Variants in SHOX observed in about 807,000 individuals in gnomAD.
SHOX encodes SHOX homeobox, also known as short stature homeobox protein.
SHOX carries 12 observed loss-of-function variants against 29.6 expected under a neutral mutation model. That is an observed-to-expected ratio of 0.41 (90% CI 0.26 to 0.66). SHOX has a LOEUF of 0.66. Ranked by LOEUF, SHOX falls within the 30% of genes least tolerant of loss-of-function variation. The pLI, the probability that SHOX is intolerant of heterozygous loss-of-function variation, is 0.35. For missense variants in SHOX, 499 were observed against 437.7 expected (o/e 1.14, Z -1.25); for synonymous variants, 214 against 200.6 (o/e 1.07, Z -0.57).
At chrX:624,853 C>CTTTGTTTCT (rs2052479577) in intron 1 of SHOX, among the ~76,000 whole-genome samples, 1 of 81,114 alleles carries the variant, frequency 1.2e-5, no homozygotes, top group Non-Finnish European at 2.5e-5. Context: ...CTCTCTTCCT[C>CTTTGTTTCT]TTTCTTTCTT....
At chrX:639,937 G>A (rs183235899) in intron 2 of SHOX, among the ~76,000 whole-genome samples, 16 of 151,998 alleles carry the variant, frequency 1.1e-4, no homozygotes, top group African/African-American at 3.4e-4. Context: ...GGAGGTGGAC[G>A]TTGCAGTGAG....
intron 1 of SHOX, among the ~76,000 whole-genome samples, chrX:631,382 C>T (rs1227523961): frequency 1.3e-5 from 2 of 151,948 alleles, no homozygotes; most frequent in African/African-American, 4.8e-5. Flanking sequence ...TAGCGGGGTG[C>T]GGGGGGACCC....
chrX:628,061 C>CCT (rs1477835799), upstream of SHOX, among the ~76,000 whole-genome samples: 1 of 65,472 alleles, frequency 1.5e-5, no homozygotes, highest in Non-Finnish European at 3.6e-5. Context: ...TCTGTCTCTG[C>CCT]CTCTCTCCCT....
chrX:644,467 C>G lies in SHOX; in HGVS notation c.710C>G (p.Pro237Arg). The stretch of plus-strand genomic sequence containing the variant: ...CACCCGCACCTGGCGGCGCACGCGC[C>G]CTACCTGATGTTCCCCCCGCCGCCC... ...HLHPHLAAHA[P>R]YLMFPPPPFG... Residue 237 changes from proline to arginine, a missense_variant, in exon 5 of 5, where the codon CCC (proline) becomes CGC (arginine). Pro to Arg is a moderately radical substitution (Grantham distance 103). Transcript: ENST00000686671. 1 of 1,525,376 alleles carries G rather than the reference C, an allele frequency of 6.6e-7. No individual in the cohort carries two copies. Among genetic ancestry groups the G allele is most frequent in the Non-Finnish European group, 8.7e-7 (1 of 1,143,796 alleles). 94.5% of individuals were successfully genotyped at this position (1,525,376 alleles called of 1,614,324 possible).
At chrX:627,018 T>G (rs1364490538), upstream of SHOX, among the ~76,000 whole-genome samples, 2 of 151,206 alleles carry the variant, frequency 1.3e-5, no homozygotes, top group Admixed American at 1.3e-4. Flanking sequence ...TCTTTTTCTC[T>G]GTCTTTCTGT....
chrX:641,131 G>A, intron 4 of SHOX, 44 bp downstream of exon 4: 1 of 1,572,042 alleles, frequency 6.4e-7, no homozygotes, highest in Admixed American at 1.7e-5. Flanking sequence ...GGGACCTGCT[G>A]CTCCCTTCCC....
Position 651,421 on chromosome X carries a change from A to C in SHOX, c.*6785A>C, listed in dbSNP as rs28680910. Reference sequence around the variant, plus strand: ...AACAAACAAACAAACAGAAAAAAAAACCAAAAAAAACCACCCTGAGTTTCT... The same window carrying C: ...AACAAACAAACAAACAGAAAAAAAACCCAAAAAAAACCACCCTGAGTTTCT... On this transcript the variant is annotated 3_prime_UTR_variant, in exon 5 of 5. Coordinates refer to ENST00000686671, the MANE Select transcript of SHOX (RefSeq NM_000451.4). 0.011 allele frequency: 5,016 copies of C among 452,368 alleles called. 209 individuals are homozygous for C. Among genetic ancestry groups the C allele is most frequent in the African/African-American group, 0.09 (4,434 of 49,494 alleles). The allele number at this position is 452,368 out of a possible 1,614,324, so 28.0% of individuals were successfully genotyped here. A position where few individuals can be genotyped will look rare whatever the true frequency, so the allele number is the denominator to read the frequency against.
chrX:635,196 G>T (rs1394214247), intron 2 of SHOX, among the ~76,000 whole-genome samples: 1 of 151,992 alleles, frequency 6.6e-6, no homozygotes, highest in Admixed American at 6.6e-5. Flanking sequence ...GGTTCCCCTG[G>T]GATTGGTTAT....
chrX:628,229 C>G (rs1228604369), upstream of SHOX, among the ~76,000 whole-genome samples: 4 of 127,010 alleles, frequency 3.1e-5, no homozygotes, highest in East Asian at 2.4e-4. Context: ...GTCGCTCTTT[C>G]TCTCTCTCCA....
rs28411089 is a variant in SHOX at position 647,116 on chromosome X, C to G, written c.*2480C>G. ...TTAGAGACGGAATTTCAATCTTGTCCCCCAGGCTGGAGTGCAGTGGCACAA... is the reference window on the plus strand; with the variant it reads ...TTAGAGACGGAATTTCAATCTTGTCGCCCAGGCTGGAGTGCAGTGGCACAA... On this transcript the variant is annotated 3_prime_UTR_variant, in exon 5 of 5. Coordinates refer to ENST00000686671, the MANE Select transcript of SHOX (RefSeq NM_000451.4). Among the ~76,000 whole-genome samples the G allele has an allele frequency of 0.76, 113,880 of 149,748 alleles. 44,079 individuals carry two copies. The highest frequency in any genetic ancestry group is 0.9 in the African/African-American group (36,468 of 40,656).
chrX:643,711 A>G (rs866533524), intron 4 of SHOX, among the ~76,000 whole-genome samples: 21 of 49,708 alleles, frequency 4.2e-4, no homozygotes, highest in East Asian at 1.3e-3. Flanking sequence ...AGAGGCTTGG[A>G]CACCTGGTGT....
intron 1 of SHOX, among the ~76,000 whole-genome samples, chrX:625,552 CTCTG>C (rs1430476785): frequency 6.7e-6 from 1 of 149,200 alleles, no homozygotes; most frequent in African/African-American, 2.5e-5. Context: ...TCTTTCTCTC[CTCTG>C]TCTCTCTGTA....
chrX:634,612 A>G lies in SHOX; in HGVS notation c.278-6A>G. On this transcript the variant is annotated splice_region_variant and splice_polypyrimidine_tract_variant and intron_variant, in intron 1 of 4. Coordinates refer to ENST00000686671, the MANE Select transcript of SHOX (RefSeq NM_000451.4). ...CTCAGCCCTGTGCCCTCCGCTCCCC[A>G]CGCAGGGATTTATGAATGCAAAGAG... 1 of 1,613,242 alleles carries G rather than the reference A, an allele frequency of 6.2e-7. No homozygotes were observed. The highest frequency in any genetic ancestry group is 8.5e-7 in the Non-Finnish European group (1 of 1,179,798).
At chrX:626,921 A>G (rs1376106765), upstream of SHOX, among the ~76,000 whole-genome samples, 2 of 111,718 alleles carry the variant, frequency 1.8e-5, no homozygotes, top group South Asian at 5.8e-4. Context: ...CTGTGTCTCT[A>G]CCTGTGTCTC....
rs1458275715 is a variant in SHOX at position 636,970 on chromosome X, A to ATATT, written c.486+2145_486+2146insATTT. ...AAAATATATATATATATATATATAT[A>ATATT]TTTTGGCTCCTGATTCTCTTCCGTC... On this transcript the variant is annotated intron_variant, in intron 2 of 4. Coordinates refer to ENST00000686671, the MANE Select transcript of SHOX (RefSeq NM_000451.4). Among the ~76,000 whole-genome samples the ATATT allele has an allele frequency of 4.2e-4, 57 of 137,340 alleles. 1 individual carries two copies. The highest frequency in any genetic ancestry group is 9.0e-4 in the South Asian group (4 of 4,460). The allele number at this position is 137,340 out of a possible 152,430, so 90.1% of individuals were successfully genotyped here.
rs189861048 is a variant in SHOX, at chrX:632,449, T to C, written c.277+1275T>C. 3.0e-3 allele frequency among the ~76,000 whole-genome samples: 461 copies of C among 152,320 alleles called. 3 individuals are homozygous for C. Among genetic ancestry groups the C allele is most frequent in the African/African-American group, 0.011 (447 of 41,568 alleles). The stretch of plus-strand genomic sequence containing the variant: ...GCTATGGACGCCTGTTATGTTTTCA[T>C]TACAAAGACGCAGAGAATCTAGCCT... On this transcript the variant is annotated intron_variant, in intron 1 of 4. Coordinates refer to ENST00000686671, the MANE Select transcript of SHOX (RefSeq NM_000451.4).
Position 637,713 on chromosome X carries a change from CG to C in SHOX, c.486+2891del, listed in dbSNP as rs767164053. On this transcript the variant is annotated intron_variant, in intron 2 of 4. Coordinates refer to ENST00000686671, the MANE Select transcript of SHOX (RefSeq NM_000451.4). ...ACACCCACGTCCCGCGTTGAGGGGA[CG>C]GGGACGAGCAGGGACAGAAAAAGAA... is the stretch of plus-strand genomic sequence containing the variant. 4.6e-5 allele frequency among the ~76,000 whole-genome samples: 7 copies of C among 152,186 alleles called. No individual in the cohort carries two copies. In the East Asian group the frequency reaches 1.2e-3, roughly 25 times the overall value.
At chrX:629,636 A>G (rs2052613017), upstream of SHOX, among the ~76,000 whole-genome samples, 1 of 151,256 alleles carries the variant, frequency 6.6e-6, no homozygotes, top group Admixed American at 6.6e-5. Context: ...ATGTCCCCCC[A>G]CTGCTGTGCC....
rs780063150 is a variant in SHOX, at chrX:644,674, C to A, written c.*38C>A. ...CCCCCCGCGCGCCCGGACTCCCGGG[C>A]TCCGCGCACCCCGCCTGCACCGCGC... is the stretch of plus-strand genomic sequence containing the variant. On this transcript the variant is annotated 3_prime_UTR_variant, in exon 5 of 5. Transcript: ENST00000686671. 2.7e-5 allele frequency: 38 copies of A among 1,401,212 alleles called. No homozygotes were observed. Among genetic ancestry groups the A allele is most frequent in the South Asian group, 4.7e-5 (3 of 63,202 alleles). 86.8% of individuals were successfully genotyped at this position (1,401,212 alleles called of 1,614,324 possible).
Sources: gnomAD v4.1 joint callset for allele counts (sites outside exome capture counted in the v4.1 genomes callset) on GRCh38, gnomAD v4.1.1 for gene constraint, MANE v1.5 for transcripts, NCBI Gene and HGNC (gene_info 2026-07-23, HGNC 2026-07-21) for gene names.